HAO1: variants seen among roughly 807,000 people sequenced by gnomAD.
The protein encoded by HAO1 is 2-Hydroxyacid oxidase 1.
In HAO1, 34 loss-of-function variants were observed where a neutral mutation model predicts 39.7. The ratio of observed to expected loss-of-function variants is 0.86; its 90% confidence interval spans 0.65 to 1.14. The LOEUF (loss-of-function observed/expected upper bound fraction) is 1.14. HAO1 is among the 50% of genes most tolerant of loss of function. The pLI is 0.00. For missense variants in HAO1, 479 were observed against 464.5 expected, an observed-to-expected ratio of 1.03 and a Z score of -0.29; for synonymous variants, 172 against 173.2, an observed-to-expected ratio of 0.99 and a Z score of 0.05.
chr20:7,906,628 C>G (rs557950638), intron 3 of HAO1, among the ~76,000 whole-genome samples: 2 of 152,158 alleles, frequency 1.3e-5, no homozygotes, highest in East Asian at 3.9e-4. Context: ...CATTTTTAAG[C>G]CAGTTTATGG....
intron 5 of HAO1, among the ~76,000 whole-genome samples, chr20:7,887,414 A>C (rs536835626): frequency 6.6e-6 from 1 of 152,314 alleles, no homozygotes; most frequent in Admixed American, 6.5e-5. Context: ...CTGAAGACTA[A>C]ACAGGGCTAC....
At chr20:7,906,440 T>C (rs945567951) in intron 3 of HAO1, 111 bp from the exon 4 acceptor site, 1 of 657,148 alleles carries the variant, frequency 1.5e-6, no homozygotes, top group African/African-American at 1.8e-5. Context: ...TGTTCACTGC[T>C]CATTTATCTA....
chr20:7,938,125 G>T (rs2050422043), intron 1 of HAO1, among the ~76,000 whole-genome samples: 1 of 152,104 alleles, frequency 6.6e-6, no homozygotes, highest in South Asian at 2.1e-4. Context: ...TGATTGTTTT[G>T]CACTTTTCAT....
chr20:7,926,160 G>A (rs1369840052), intron 2 of HAO1, among the ~76,000 whole-genome samples: 6 of 152,114 alleles, frequency 3.9e-5, no homozygotes, highest in Non-Finnish European at 7.4e-5. Flanking sequence ...ACACTTTAGA[G>A]TGAAACAGAC....
At chr20:7,895,717 T>C (rs1366746947) in intron 4 of HAO1, among the ~76,000 whole-genome samples, 1 of 152,114 alleles carries the variant, frequency 6.6e-6, no homozygotes, top group African/African-American at 2.4e-5. Flanking sequence ...TTAAGTAATA[T>C]TGTTCTATAA....
intron 2 of HAO1, among the ~76,000 whole-genome samples, chr20:7,923,478 A>C (rs889397749): frequency 1.3e-5 from 2 of 152,186 alleles, no homozygotes; most frequent in African/African-American, 4.8e-5. Context: ...TTTTTATCAA[A>C]GACTACTGTG....
rs763585339 is a variant in HAO1 at position 7,934,643 on chromosome 20, T to TA, written c.138-9dup. The TA allele has an allele frequency of 6.5e-7, 1 of 1,546,922 alleles. No individual in the cohort carries two copies. Among genetic ancestry groups the TA allele is most frequent in the Admixed American group, 2.0e-5 (1 of 49,448 alleles). ...CTTGGATACAGCTTCCATCTAGAAT[T>TA]AAAAAATAAAATAAAATAAAAGGCT... On this transcript the variant is annotated splice_polypyrimidine_tract_variant and intron_variant, in intron 1 of 7. Transcript: ENST00000378789.
chr20:7,921,269 T>A (rs917344607), intron 2 of HAO1, among the ~76,000 whole-genome samples: 3 of 151,906 alleles, frequency 2.0e-5, no homozygotes, highest in African/African-American at 4.8e-5. Context: ...ACAAAACAGA[T>A]AACCCCATTA....
intron 2 of HAO1, among the ~76,000 whole-genome samples, chr20:7,930,527 A>G (rs2050381019): frequency 1.3e-5 from 2 of 152,198 alleles, no homozygotes; most frequent in African/African-American, 4.8e-5. Context: ...CAGAGATGTG[A>G]GAGCAAGTCA....
intron 2 of HAO1, among the ~76,000 whole-genome samples, chr20:7,926,994 A>C (rs1307122180): frequency 6.6e-6 from 1 of 152,080 alleles, no homozygotes; most frequent in Non-Finnish European, 1.5e-5. Context: ...CCCACATAAC[A>C]AGTCAGAAGC....
At chr20:7,884,102 C>A (rs1426464420) in intron 7 of HAO1, among the ~76,000 whole-genome samples, 1 of 152,134 alleles carries the variant, frequency 6.6e-6, no homozygotes, top group Non-Finnish European at 1.5e-5. Flanking sequence ...CCCTCTTTAC[C>A]TTCAAAAATG....
At chr20:7,923,845 T>C (rs1251282494) in intron 2 of HAO1, among the ~76,000 whole-genome samples, 1 of 152,132 alleles carries the variant, frequency 6.6e-6, no homozygotes, top group Non-Finnish European at 1.5e-5. Flanking sequence ...TTGAGAACCA[T>C]GAGGTAGATA....
chr20:7,935,332 T>A (rs1262069159), intron 1 of HAO1, among the ~76,000 whole-genome samples: 3 of 152,190 alleles, frequency 2.0e-5, no homozygotes, highest in Admixed American at 1.3e-4. Flanking sequence ...CACGTACAGG[T>A]TCTTGTGTGA....
chr20:7,903,439 A>G (rs138272991), intron 4 of HAO1, among the ~76,000 whole-genome samples: 1,908 of 152,222 alleles, frequency 0.013, 21 homozygotes, highest in South Asian at 0.023. Context: ...GATGAGAAGA[A>G]AAGAGAGGTG....
intron 3 of HAO1, among the ~76,000 whole-genome samples, chr20:7,909,360 C>CATATATATATATATATATATATAT (rs749171756): frequency 5.5e-5 from 6 of 109,070 alleles, no homozygotes; most frequent in African/African-American, 2.3e-4. Context: ...CGGATTATGA[C>CATATATATATATATATATATATAT]ATATATATAT....
At chr20:7,916,536 C>G (rs2050307811) in intron 2 of HAO1, among the ~76,000 whole-genome samples, 1 of 152,126 alleles carries the variant, frequency 6.6e-6, no homozygotes, top group African/African-American at 2.4e-5. Flanking sequence ...TTTCTGGGTC[C>G]CACCCACAGA....
At chr20:7,916,073 C>T (rs181696845) in intron 2 of HAO1, among the ~76,000 whole-genome samples, 103 of 152,022 alleles carry the variant, frequency 6.8e-4, no homozygotes, top group African/African-American at 1.4e-3. Context: ...TAGCAAGAAA[C>T]GGGCAAATAA....
chr20:7,914,325 C>T lies in HAO1; in HGVS notation c.384G>A (p.Trp128Ter). Residue 128 changes from tryptophan to a stop codon, truncating the protein, a stop_gained, in exon 3 of 8, where the codon TGG (tryptophan) becomes TGA (stop). Transcript: ENST00000378789. LOFTEE classifies it high-confidence loss of function. ...VAEAGPEALR[W>*]LQLYIYKDRE... ...GGTCCTTGTAGATATACAGTTGCAG[C>T]CAACGAAGTGCCTCAGGACCAGCTT... 1 of 1,613,984 alleles carries T rather than the reference C, an allele frequency of 6.2e-7. No individual in the cohort carries two copies. The highest frequency in any genetic ancestry group is 1.3e-5 in the African/African-American group (1 of 75,030).
chr20:7,883,756 G>T, intron 7 of HAO1, 93 bp from the exon 8 acceptor site: 1 of 1,092,002 alleles, frequency 9.2e-7, no homozygotes. Context: ...TTTGACAAAT[G>T]TAAGGTTTAT....
Sources: gnomAD v4.1 joint callset for allele counts (sites outside exome capture counted in the v4.1 genomes callset) on GRCh38, gnomAD v4.1.1 for gene constraint, MANE v1.5 for transcripts, NCBI Gene and HGNC (gene_info 2026-07-23, HGNC 2026-07-21) for gene names.